The following NALF1 variants were observed in gnomAD, a reference collection of about 807,000 sequenced individuals.
NALF1 encodes the protein NALCN channel auxiliary factor 1.
In NALF1, 3 loss-of-function variants were observed where a neutral mutation model predicts 48.4. The ratio of observed to expected loss-of-function variants is 0.06; its 90% CI spans 0.03 to 0.16. NALF1 has a LOEUF of 0.16. Among genes scored for constraint, NALF1 ranks in the 10% least tolerant of loss-of-function variants. NALF1 has a pLI of 1.00. For synonymous variants in NALF1, 262 were observed against 245.7 expected, an observed-to-expected ratio of 1.07 and a Z score of -0.62; for missense variants, 526 against 571.5, an observed-to-expected ratio of 0.92 and a Z score of 0.81.
chr13:107,383,958 C>T (rs1276449651), intron 1 of NALF1, among the ~76,000 whole-genome samples: 4 of 152,162 alleles, frequency 2.6e-5, no homozygotes, highest in Admixed American at 2.0e-4. Flanking sequence ...TTTAAAATGG[C>T]ATGCATTAAG....
At chr13:107,177,201 T>C (rs1878957301) in intron 2 of NALF1, among the ~76,000 whole-genome samples, 1 of 151,820 alleles carries the variant, frequency 6.6e-6, no homozygotes, top group African/African-American at 2.4e-5. Context: ...TATGCAACAT[T>C]GATGAAAGAA....
intron 1 of NALF1, among the ~76,000 whole-genome samples, chr13:107,235,786 G>A (rs189922626): frequency 6.6e-6 from 1 of 152,272 alleles, no homozygotes; most frequent in Admixed American, 6.5e-5. Flanking sequence ...TTTCCATCAA[G>A]CATTTTCTAA....
At chr13:107,311,168 TA>T (rs1448907325) in intron 1 of NALF1, among the ~76,000 whole-genome samples, 3 of 152,312 alleles carry the variant, frequency 2.0e-5, no homozygotes, top group African/African-American at 7.2e-5. Context: ...CTGTTTGTAT[TA>T]TTTTTTTGCT....
At chr13:107,347,524 C>G (rs999608836) in intron 1 of NALF1, among the ~76,000 whole-genome samples, 5 of 152,222 alleles carry the variant, frequency 3.3e-5, no homozygotes, top group Non-Finnish European at 7.3e-5. Flanking sequence ...CTTTATTCAA[C>G]TACAGTACAG....
At chr13:107,793,324 C>T (rs184410405) in intron 1 of NALF1, among the ~76,000 whole-genome samples, 33 of 152,268 alleles carry the variant, frequency 2.2e-4, no homozygotes, top group Admixed American at 9.1e-4. Flanking sequence ...CTCTCTACAA[C>T]AACAGTGAAA....
At chr13:107,536,999 A>C (rs951527292) in intron 1 of NALF1, among the ~76,000 whole-genome samples, 1 of 152,162 alleles carries the variant, frequency 6.6e-6, no homozygotes, top group Non-Finnish European at 1.5e-5. Flanking sequence ...CAAACACTGC[A>C]TGTTCTCACT....
At chr13:107,701,725 A>C (rs139848618) in intron 1 of NALF1, among the ~76,000 whole-genome samples, 183 of 152,298 alleles carry the variant, frequency 1.2e-3, no homozygotes, top group Non-Finnish European at 2.5e-4. Flanking sequence ...AAGTAAGTAG[A>C]TTTTAGCTGT....
At chr13:107,743,212 C>G (rs532865198) in intron 1 of NALF1, among the ~76,000 whole-genome samples, 12 of 152,210 alleles carry the variant, frequency 7.9e-5, no homozygotes, top group Admixed American at 2.0e-4. Flanking sequence ...GTTTTCAGAG[C>G]ATTAACTTGC....
intron 1 of NALF1, among the ~76,000 whole-genome samples, chr13:107,350,917 T>G (rs1320379615): frequency 6.6e-6 from 1 of 152,180 alleles, no homozygotes; most frequent in East Asian, 1.9e-4. Flanking sequence ...AGAATCACAC[T>G]AGGAGACCAC....
At chr13:107,259,833 T>G (rs1880895912) in intron 1 of NALF1, among the ~76,000 whole-genome samples, 1 of 152,158 alleles carries the variant, frequency 6.6e-6, no homozygotes, top group South Asian at 2.1e-4. Context: ...ATACTCCTCA[T>G]CTTCAAGAGG....
chr13:107,230,319 C>T (rs1880193582), intron 1 of NALF1, among the ~76,000 whole-genome samples: 1 of 152,012 alleles, frequency 6.6e-6, no homozygotes, highest in Non-Finnish European at 1.5e-5. Flanking sequence ...AAAGGTAGGG[C>T]ACCTTTATTT....
intron 1 of NALF1, among the ~76,000 whole-genome samples, chr13:107,271,322 C>T (rs12868676): frequency 0.21 from 31,515 of 152,060 alleles, 4,181 homozygotes; most frequent in Non-Finnish European, 0.29. Flanking sequence ...AGAGTTGAAC[C>T]CTGCAGGGGT....
chr13:107,646,144 C>T (rs1011732972), intron 1 of NALF1, among the ~76,000 whole-genome samples: 6 of 152,158 alleles, frequency 3.9e-5, no homozygotes, highest in African/African-American at 9.6e-5. Context: ...TTGCATCTAA[C>T]GTTTCTAGAT....
intron 1 of NALF1, among the ~76,000 whole-genome samples, chr13:107,665,666 C>A (rs1036531173): frequency 2.0e-5 from 3 of 151,902 alleles, no homozygotes; most frequent in Non-Finnish European, 4.4e-5. Context: ...TTTATCTCAT[C>A]TTGACATGTT....
At chr13:107,172,364 C>T (rs1878825041) in intron 2 of NALF1, among the ~76,000 whole-genome samples, 1 of 151,774 alleles carries the variant, frequency 6.6e-6, no homozygotes, top group Non-Finnish European at 1.5e-5. Context: ...TTTTGTATTC[C>T]CAATATGTAG....
intron 1 of NALF1, among the ~76,000 whole-genome samples, chr13:107,502,005 C>T (rs1244260167): frequency 6.6e-6 from 1 of 152,146 alleles, no homozygotes; most frequent in Non-Finnish European, 1.5e-5. Flanking sequence ...CTGAGAACAA[C>T]ATGCAGATTG....
intron 1 of NALF1, among the ~76,000 whole-genome samples, chr13:107,752,716 AAT>A (rs1434736341): frequency 1.3e-5 from 2 of 152,182 alleles, no homozygotes; most frequent in Non-Finnish European, 2.9e-5. Context: ...ACAGACTCTT[AAT>A]AATTTGTTCA....
chr13:107,184,625 T>C (rs946840694), intron 2 of NALF1, among the ~76,000 whole-genome samples: 3 of 152,248 alleles, frequency 2.0e-5, no homozygotes, highest in Non-Finnish European at 4.4e-5. Flanking sequence ...TTCATTTTCA[T>C]GTTTTCCTGC....
chr13:107,260,626 T>C (rs924363150), intron 1 of NALF1, among the ~76,000 whole-genome samples: 8 of 152,210 alleles, frequency 5.3e-5, no homozygotes, highest in African/African-American at 1.7e-4. Flanking sequence ...TGTATTGGCT[T>C]ATTTAGGATA....
Sources: allele counts gnomAD v4.1 joint callset (sites outside exome capture counted in the v4.1 genomes callset), GRCh38; gene constraint gnomAD v4.1.1; transcripts MANE v1.5; gene names NCBI Gene and HGNC (gene_info 2026-07-23, HGNC 2026-07-21).